The following ROBO1 variants were observed in gnomAD, a reference collection of about 807,000 sequenced individuals.
The protein encoded by ROBO1 is roundabout homolog 1.
ROBO1 carries 149 observed loss-of-function variants against 195.9 expected under a neutral mutation model. The ratio of observed to expected loss-of-function variants is 0.76; its 90% CI spans 0.67 to 0.87. ROBO1 has a LOEUF of 0.87. Ranked by LOEUF, ROBO1 falls within the 40% of genes least tolerant of loss-of-function variation. The probability of loss-of-function intolerance (pLI) is 0.00; values close to 1 mark genes in which losing one functional copy is unlikely to be tolerated. For missense variants in ROBO1, 1,933 were observed against 2,068.3 expected, an observed-to-expected ratio of 0.93 and a Z score of 1.27; for synonymous variants, 816 against 733.2, an observed-to-expected ratio of 1.11 and a Z score of -1.82.
At chr3:79,696,216 T>C (rs748662689) in intron 1 of ROBO1, among the ~76,000 whole-genome samples, 37 of 151,544 alleles carry the variant, frequency 2.4e-4, no homozygotes, top group Non-Finnish European at 4.6e-4. Context: ...GGAAATCCCT[T>C]CAGCTGATTC....
chr3:79,217,735 T>G (rs529918330), intron 2 of ROBO1, among the ~76,000 whole-genome samples: 1 of 152,122 alleles, frequency 6.6e-6, no homozygotes, highest in Admixed American at 6.6e-5. Flanking sequence ...GAGGGTATCT[T>G]ATTTTTATTT....
At chr3:79,578,108 C>A (rs1048502319) in intron 2 of ROBO1, among the ~76,000 whole-genome samples, 3 of 152,016 alleles carry the variant, frequency 2.0e-5, no homozygotes, top group African/African-American at 4.8e-5. Flanking sequence ...ATACTACTTA[C>A]ACATCTATTA....
chr3:78,867,345 C>T (rs1395324144), intron 4 of ROBO1, among the ~76,000 whole-genome samples: 1 of 152,120 alleles, frequency 6.6e-6, no homozygotes, highest in East Asian at 1.9e-4. Flanking sequence ...GAGCAAAATG[C>T]TAGCAGTCTA....
intron 2 of ROBO1, among the ~76,000 whole-genome samples, chr3:79,218,062 C>T (rs1576829787): frequency 6.6e-6 from 1 of 151,776 alleles, no homozygotes; most frequent in South Asian, 2.1e-4. Context: ...AATAAAGTAA[C>T]AAAAACAGAA....
intron 2 of ROBO1, among the ~76,000 whole-genome samples, chr3:79,255,315 A>G (rs2082810726): frequency 6.6e-6 from 1 of 152,184 alleles, no homozygotes. Context: ...TTATTGTGCC[A>G]CTGTACTGCA....
At chr3:79,601,527 A>G (rs766702294) in intron 1 of ROBO1, among the ~76,000 whole-genome samples, 46 of 151,924 alleles carry the variant, frequency 3.0e-4, no homozygotes, top group Non-Finnish European at 5.7e-4. Flanking sequence ...CCATGTAAAA[A>G]TCACTATTTG....
At chr3:78,606,506 G>A (rs112455002) in intron 29 of ROBO1, among the ~76,000 whole-genome samples, 2 of 152,140 alleles carry the variant, frequency 1.3e-5, no homozygotes, top group South Asian at 2.1e-4. Flanking sequence ...TGGAAATCAT[G>A]CTTTCCTTTA....
intron 3 of ROBO1, among the ~76,000 whole-genome samples, chr3:78,969,758 A>G (rs998665770): frequency 6.6e-6 from 1 of 152,212 alleles, no homozygotes. Context: ...CAAACATATG[A>G]AAAGGATTAT....
intron 5 of ROBO1, among the ~76,000 whole-genome samples, chr3:78,740,938 C>T (rs1275517209): frequency 6.6e-6 from 1 of 151,946 alleles, no homozygotes; most frequent in Non-Finnish European, 1.5e-5. Context: ...TAATCTAAAA[C>T]AAAAGGTTTA....
chr3:79,211,487 C>G (rs905260421), intron 2 of ROBO1, among the ~76,000 whole-genome samples: 3 of 152,106 alleles, frequency 2.0e-5, no homozygotes, highest in East Asian at 3.9e-4. Context: ...GCTCTCACCC[C>G]CAATGTAGGG....
At chr3:78,600,347 T>C (rs780036280) in intron 29 of ROBO1, 38 bp from the exon 30 acceptor site, 8 of 1,272,202 alleles carry the variant, frequency 6.3e-6, no homozygotes, top group Non-Finnish European at 9.1e-6. Context: ...GTGAGTACCA[T>C]CATACACTTT....
At chr3:78,664,871 G>A (rs573812277) in intron 14 of ROBO1, among the ~76,000 whole-genome samples, 94 of 152,256 alleles carry the variant, frequency 6.2e-4, no homozygotes, top group Admixed American at 1.2e-3. Flanking sequence ...TCTTATTACA[G>A]TTATAATCCA....
At chr3:79,726,017 A>T (rs1242085098) in intron 1 of ROBO1, among the ~76,000 whole-genome samples, 1 of 152,158 alleles carries the variant, frequency 6.6e-6, no homozygotes, top group Non-Finnish European at 1.5e-5. Flanking sequence ...ATCATGGAGG[A>T]AGACTAAATT....
intron 28 of ROBO1, chr3:78,607,358 ATGC>A: frequency 3.9e-6 from 1 of 255,864 alleles, no homozygotes; most frequent in South Asian, 6.6e-5. Context: ...GACTATAGGC[ATGC>A]ACCACCACAC....
intron 3 of ROBO1, among the ~76,000 whole-genome samples, chr3:79,035,979 T>C (rs888514079): frequency 9.9e-5 from 15 of 152,100 alleles, no homozygotes; most frequent in Admixed American, 8.5e-4. Flanking sequence ...ACCATCTGTT[T>C]ATGTACTTAT....
intron 2 of ROBO1, among the ~76,000 whole-genome samples, chr3:79,203,086 A>G (rs1232312243): frequency 6.6e-6 from 1 of 152,174 alleles, no homozygotes; most frequent in Non-Finnish European, 1.5e-5. Flanking sequence ...AAGCACACTG[A>G]AAATTTGGAT....
At position 78,657,246 on chromosome 3, in the gene ROBO1, A is replaced by T; in HGVS notation, c.2466T>A (p.Thr822=). The T allele has an allele frequency of 6.2e-7, 1 of 1,613,696 alleles. No individual in the cohort carries two copies. The highest frequency in any genetic ancestry group is 8.5e-7 in the Non-Finnish European group (1 of 1,179,762). Reference sequence around the variant, plus strand: ...CCACTGTTTTGTTGATGTGGTATCGAGTTTCATTGCCCAGACACCAAACCT... The same window carrying T: ...CCACTGTTTTGTTGATGTGGTATCGTGTTTCATTGCCCAGACACCAAACCT... ...EYKVWCLGNE[T]RYHINKTVDG... The change falls in exon 18 of 31, where the codon ACT becomes ACA. Residue 822 remains threonine, a synonymous_variant. Coordinates refer to ENST00000464233, the MANE Select transcript of ROBO1 (RefSeq NM_002941.4).
chr3:79,537,381 C>T (rs560520059), intron 2 of ROBO1, among the ~76,000 whole-genome samples: 91 of 152,204 alleles, frequency 6.0e-4, no homozygotes, highest in African/African-American at 2.2e-3. Context: ...ATATCTGGAG[C>T]TCAGTCTTGC....
chr3:79,541,171 A>G (rs28656015), intron 2 of ROBO1, among the ~76,000 whole-genome samples: 43,727 of 152,056 alleles, frequency 0.29, 6,849 homozygotes, highest in Non-Finnish European at 0.35. Flanking sequence ...TACTAAATCT[A>G]AAAATGCATC....
Sources: allele counts gnomAD v4.1 joint callset (sites outside exome capture counted in the v4.1 genomes callset), GRCh38; gene constraint gnomAD v4.1.1; transcripts MANE v1.5; gene names NCBI Gene and HGNC (gene_info 2026-07-23, HGNC 2026-07-21).